PDS5B: variants seen among roughly 807,000 people sequenced by gnomAD.
PDS5B encodes sister chromatid cohesion protein PDS5 homolog B.
In PDS5B, 51 loss-of-function variants were observed where a neutral mutation model predicts 184.1. That is an observed-to-expected ratio of 0.28 (90% CI 0.22 to 0.35). The LOEUF is 0.35. PDS5B is among the 10% of genes least tolerant of loss of function. The pLI is 1.00. For synonymous variants in PDS5B, 566 were observed against 569.2 expected, an observed-to-expected ratio of 0.99 and a Z score of 0.08; for missense variants, 1,180 against 1,723.3, an observed-to-expected ratio of 0.68 and a Z score of 5.58.
chr13:32,603,453 A>G lies in PDS5B; in HGVS notation c.-20+16860A>G, dbSNP rs980860125. ...AGGTTCTTTTCTGTTCCATTGGTCT[A>G]TATCTCTGTTTTGGTACCAGTACCA... On this transcript the variant is annotated intron_variant, in intron 1 of 34. Transcript: ENST00000315596. Among the ~76,000 whole-genome samples, 17 of 152,256 alleles carry G rather than the reference A, an allele frequency of 1.1e-4. 1 individual carries two copies. Among genetic ancestry groups the G allele is most frequent in the African/African-American group, 3.9e-4 (16 of 41,544 alleles).
At chr13:32,764,374 T>TC in intron 30 of PDS5B, 115 bp from the exon 31 acceptor site, 1 of 469,938 alleles carries the variant, frequency 2.1e-6, no homozygotes, top group Non-Finnish European at 3.7e-6. Flanking sequence ...TGAAACTGAT[T>TC]CATTTTTGAA....
In PDS5B at chr13:32,775,095, A is replaced by ATATTTTTTTT. The variant is rs373003953; in HGVS notation, c.*44_*45insATTTTTTTTT. ...CTTTCTCTGTGAAAGCTTTGGAAAA[A>ATATTTTTTTT]TCTTTTTTTTTTTTTTTGGTCAAGC... On this transcript the variant is annotated 3_prime_UTR_variant, in exon 35 of 35. Transcript: ENST00000315596. 2.0e-4 allele frequency: 107 copies of ATATTTTTTTT among 547,378 alleles called. No homozygotes were observed. The highest frequency in any genetic ancestry group is 2.6e-4 in the Non-Finnish European group (100 of 388,456). The allele number at this position is 547,378 out of a possible 1,614,324, so 33.9% of individuals were successfully genotyped here.
chr13:32,588,513 A>G (rs1219097304), intron 1 of PDS5B, among the ~76,000 whole-genome samples: 3 of 152,320 alleles, frequency 2.0e-5, no homozygotes, highest in Middle Eastern at 6.8e-3. Flanking sequence ...ACTTAAAGGT[A>G]TATTTTAAAT....
At chr13:32,705,885 T>C (rs1951995695) in intron 17 of PDS5B, among the ~76,000 whole-genome samples, 1 of 152,134 alleles carries the variant, frequency 6.6e-6, no homozygotes, top group African/African-American at 2.4e-5. Flanking sequence ...CAGGCTGGTC[T>C]TGAACTCCTG....
At chr13:32,726,089 A>G (rs1363250654) in intron 19 of PDS5B, among the ~76,000 whole-genome samples, 2 of 151,750 alleles carry the variant, frequency 1.3e-5, no homozygotes, top group African/African-American at 2.4e-5. Context: ...AGCAAGATAA[A>G]TTTCAGGAAG....
chr13:32,613,951 G>A (rs73451427), intron 1 of PDS5B, among the ~76,000 whole-genome samples: 2,436 of 152,226 alleles, frequency 0.016, 46 homozygotes, highest in South Asian at 0.082. Context: ...ATTCTTTTGC[G>A]TGTTGATAAC....
intron 21 of PDS5B, among the ~76,000 whole-genome samples, chr13:32,740,789 G>A (rs543510429): frequency 6.6e-6 from 1 of 151,996 alleles, no homozygotes; most frequent in East Asian, 1.9e-4. Context: ...TCTCAAAAGG[G>A]GCTAAATAAG....
intron 19 of PDS5B, among the ~76,000 whole-genome samples, chr13:32,715,645 A>C (rs891931235): frequency 1.5e-4 from 19 of 129,204 alleles, no homozygotes; most frequent in Admixed American, 6.1e-4. Flanking sequence ...CCCTCTCCCT[A>C]TCCCTCTCCC....
rs757831646 is a variant in PDS5B at position 32,701,309 on chromosome 13, A to G, written c.1741-14A>G. 3.1e-6 allele frequency: 4 copies of G among 1,304,234 alleles called. No homozygotes were observed. Among genetic ancestry groups the G allele is most frequent in the Non-Finnish European group, 4.4e-6 (4 of 908,496 alleles). 80.8% of individuals were successfully genotyped at this position (1,304,234 alleles called of 1,614,324 possible). A position where few individuals can be genotyped will look rare whatever the true frequency, so the allele number is the denominator to read the frequency against. On this transcript the variant is annotated splice_polypyrimidine_tract_variant and intron_variant, in intron 16 of 34. Transcript: ENST00000315596. ...AAATGTACTTTTGTAATACTGAAAT[A>G]ATCTGTATTACAGCGTGAAATAACT...
chr13:32,754,165 A>G (rs549805275), intron 25 of PDS5B, among the ~76,000 whole-genome samples: 4 of 152,276 alleles, frequency 2.6e-5, no homozygotes, highest in South Asian at 2.1e-4. Context: ...ATTGTTGTAT[A>G]CATTGCCTCC....
chr13:32,716,722 T>C (rs192470679), intron 19 of PDS5B, among the ~76,000 whole-genome samples: 98,880 of 99,656 alleles, frequency 0.99, 49,093 homozygotes, highest in Non-Finnish European at 0.99. Flanking sequence ...AGGGGCGCTT[T>C]TGCCCAGCCG....
chr13:32,646,059 C>T (rs1950214726), intron 1 of PDS5B, among the ~76,000 whole-genome samples: 1 of 151,974 alleles, frequency 6.6e-6, no homozygotes, highest in African/African-American at 2.4e-5. Context: ...GGCTTGAGTG[C>T]AGTGGTGTGA....
chr13:32,592,228 C>A (rs761656850), intron 1 of PDS5B, among the ~76,000 whole-genome samples: 8 of 152,114 alleles, frequency 5.3e-5, no homozygotes. Context: ...ATTTCAAATG[C>A]CCCAGAGATG....
intron 1 of PDS5B, among the ~76,000 whole-genome samples, chr13:32,641,638 G>A (rs1485487967): frequency 6.6e-6 from 1 of 151,838 alleles, no homozygotes; most frequent in African/African-American, 2.4e-5. Flanking sequence ...ACTTTCTTCT[G>A]TTTTCCTTCT....
intron 15 of PDS5B, among the ~76,000 whole-genome samples, chr13:32,698,720 G>A (rs926200526): frequency 1.3e-5 from 2 of 151,144 alleles, no homozygotes; most frequent in South Asian, 2.1e-4. Flanking sequence ...GGGTTCACTC[G>A]AATTTCTACT....
chr13:32,733,985 A>AACACACACACACACACACAC (rs148714647), intron 20 of PDS5B, among the ~76,000 whole-genome samples: 2,474 of 141,976 alleles, frequency 0.017, 61 homozygotes, highest in African/African-American at 0.048. Context: ...CAAAAATTAA[A>AACACACACACACACACACAC]ACACACACAC....
At chr13:32,612,091 T>C (rs2058152832) in intron 1 of PDS5B, among the ~76,000 whole-genome samples, 1 of 152,090 alleles carries the variant, frequency 6.6e-6, no homozygotes, top group Non-Finnish European at 1.5e-5. Flanking sequence ...CTCAGGAGAC[T>C]GTGCATCTTT....
At chr13:32,607,864 T>A (rs925399653) in intron 1 of PDS5B, among the ~76,000 whole-genome samples, 1 of 152,188 alleles carries the variant, frequency 6.6e-6, no homozygotes, top group African/African-American at 2.4e-5. Flanking sequence ...CTGAGCCAGG[T>A]GCGGGATATA....
intron 1 of PDS5B, among the ~76,000 whole-genome samples, chr13:32,598,509 A>G (rs1321825259): frequency 6.6e-6 from 1 of 151,924 alleles, no homozygotes; most frequent in Admixed American, 6.6e-5. Context: ...GTCTCACTGT[A>G]TTGCTCAGGC....
Sources: allele counts gnomAD v4.1 joint callset (sites outside exome capture counted in the v4.1 genomes callset), GRCh38; gene constraint gnomAD v4.1.1; transcripts MANE v1.5; gene names NCBI Gene and HGNC (gene_info 2026-07-23, HGNC 2026-07-21).